The following GPHN variants were observed in gnomAD, a reference collection of about 807,000 sequenced individuals.
GPHN encodes gephyrin.
Under a neutral mutation model 95.5 loss-of-function variants are expected in GPHN, and 17 were observed. The observed-to-expected ratio is 0.18, with a 90% CI of 0.12 to 0.27. GPHN has a LOEUF of 0.27. Among genes scored for constraint, GPHN ranks in the 10% least tolerant of loss-of-function variants. The pLI, the probability that GPHN is intolerant of heterozygous loss-of-function variation, is 1.00. For missense variants in GPHN, 660 were observed against 978.1 expected, an observed-to-expected ratio of 0.67 and a Z score of 4.34; for synonymous variants, 320 against 322.5, an observed-to-expected ratio of 0.99 and a Z score of 0.08.
chr14:67,574,741 G>A, the GPHN span, among the ~76,000 whole-genome samples: 1 of 152,146 alleles, frequency 6.6e-6, no homozygotes, highest in African/African-American at 2.4e-5. The surrounding 1 kb of genome is among the most constrained non-coding windows in gnomAD (Gnocchi z 4.2). Flanking sequence ...AGGCCTGGGC[G>A]AGGTAGGTAT....
At chr14:67,223,573 A>G in the GPHN span, 1 of 277,716 alleles carries the variant, frequency 3.6e-6, no homozygotes, top group Non-Finnish European at 5.5e-6. Flanking sequence ...GCAAAGATAC[A>G]GCAAATGAGC....
chr14:66,517,147 AAAAAAG>A (rs1385724200), intron 1 of GPHN, among the ~76,000 whole-genome samples: 234 of 150,788 alleles, frequency 1.6e-3, no homozygotes, highest in African/African-American at 5.4e-3. Context: ...AAAAAAAAAA[AAAAAAG>A]AAGAAACTGA....
the GPHN span, among the ~76,000 whole-genome samples, chr14:67,492,710 T>C: frequency 3.3e-5 from 5 of 152,228 alleles, no homozygotes; most frequent in Non-Finnish European, 7.3e-5. Context: ...CCAAGCCACC[T>C]AGAGATTTCT....
At chr14:67,023,572 A>G in intron 9 of GPHN, 61 bp from the exon 10 acceptor site, 1 of 1,318,010 alleles carries the variant, frequency 7.6e-7, no homozygotes. Flanking sequence ...CCCATTAAAT[A>G]TGCATATCTG....
intron 3 of GPHN, among the ~76,000 whole-genome samples, chr14:66,787,834 T>C (rs919147881): frequency 2.0e-5 from 3 of 150,206 alleles, no homozygotes; most frequent in African/African-American, 7.3e-5. Context: ...TCAAAATACA[T>C]AGTAGGCTTT....
At chr14:66,557,645 T>G (rs1201230456) in intron 1 of GPHN, among the ~76,000 whole-genome samples, 1 of 152,206 alleles carries the variant, frequency 6.6e-6, no homozygotes, top group Non-Finnish European at 1.5e-5. Context: ...AGAGCCTTCA[T>G]GTTTTCTCAT....
At chr14:66,794,476 C>G (rs1057362728) in intron 3 of GPHN, among the ~76,000 whole-genome samples, 2 of 152,128 alleles carry the variant, frequency 1.3e-5, no homozygotes, top group Non-Finnish European at 2.9e-5. Flanking sequence ...TCAGGTATTT[C>G]TTTATAGCAA....
At chr14:67,454,699 A>G in the GPHN span, 1 of 152,234 alleles carries the variant, frequency 6.6e-6, no homozygotes, top group Admixed American at 6.5e-5. Flanking sequence ...GTAAGAAAAT[A>G]TATCATTAAA....
the GPHN span, among the ~76,000 whole-genome samples, chr14:67,602,104 C>T: frequency 6.6e-6 from 1 of 152,168 alleles, no homozygotes; most frequent in Non-Finnish European, 1.5e-5. Context: ...TAAAGAACTA[C>T]CTGAGACTCG....
chr14:67,519,512 G>A, the GPHN span, among the ~76,000 whole-genome samples: 72 of 152,252 alleles, frequency 4.7e-4, no homozygotes, highest in East Asian at 0.014. Context: ...TTCCCTCTTG[G>A]ACAGGGAAGG....
At chr14:67,250,313 G>A in the GPHN span, among the ~76,000 whole-genome samples, 1 of 151,970 alleles carries the variant, frequency 6.6e-6, no homozygotes, top group Non-Finnish European at 1.5e-5. Context: ...GTAAATTATC[G>A]AGAGCTGTGA....
At chr14:67,221,820 T>C in the GPHN span, 3 of 1,612,520 alleles carry the variant, frequency 1.9e-6, no homozygotes, top group Non-Finnish European at 1.7e-6. Context: ...ATGGAACAAA[T>C]TCCACTACAT....
chr14:67,390,716 G>A, the GPHN span: 6 of 1,613,720 alleles, frequency 3.7e-6, no homozygotes, highest in East Asian at 4.5e-5. Context: ...AGAACAAAGC[G>A]ACGCACCTTC....
intron 3 of GPHN, among the ~76,000 whole-genome samples, chr14:66,812,029 C>T (rs1324997856): frequency 6.6e-6 from 1 of 152,204 alleles, no homozygotes; most frequent in Non-Finnish European, 1.5e-5. Flanking sequence ...TCTGGCCTAA[C>T]TGGCAGCTAA....
the GPHN span, chr14:67,647,994 G>A: frequency 2.0e-6 from 3 of 1,511,396 alleles, no homozygotes; most frequent in South Asian, 3.6e-5. Flanking sequence ...GAGTGTCCAA[G>A]GACAACCAGT....
intron 1 of GPHN, among the ~76,000 whole-genome samples, chr14:66,547,703 G>T (rs544297529): frequency 6.6e-6 from 1 of 152,242 alleles, no homozygotes; most frequent in African/African-American, 2.4e-5. Flanking sequence ...GACAAATTTC[G>T]TGTTCATTCT....
chr14:67,364,660 C>A, the GPHN span: 1 of 1,149,504 alleles, frequency 8.7e-7, no homozygotes, highest in Non-Finnish European at 1.2e-6. Context: ...AGACTAATAA[C>A]TATTTTTTTC....
chr14:67,005,260 C>T (rs893505783), intron 9 of GPHN, among the ~76,000 whole-genome samples: 4 of 151,700 alleles, frequency 2.6e-5, no homozygotes, highest in Non-Finnish European at 5.9e-5. Context: ...GTAGATTCAT[C>T]CACAATATTT....
chr14:66,994,363 CAAAAAAA>C lies in GPHN; in HGVS notation c.963+29040_963+29046del, dbSNP rs200004073. Among the ~76,000 whole-genome samples, 461 of 149,192 alleles carry C rather than the reference CAAAAAAA, an allele frequency of 3.1e-3. 8 individuals carry two copies. Among genetic ancestry groups the C allele is most frequent in the East Asian group, 0.015 (75 of 5,094 alleles). ...CCTGGGCAACTGAGTAAAACTGTCT[CAAAAAAA>C]AGAAAAAAGAAAAAGAAAAATCTAT... On this transcript the variant is annotated intron_variant, in intron 9 of 22. Transcript: ENST00000478722.
Sources: gnomAD v4.1 joint callset for allele counts (sites outside exome capture counted in the v4.1 genomes callset) on GRCh38, gnomAD v4.1.1 for gene constraint, Gnocchi (gnomAD v3.1) non-coding constraint, MANE v1.5 for transcripts, NCBI Gene and HGNC (gene_info 2026-07-23, HGNC 2026-07-21) for gene names.